Variants in JAZF1 observed in about 807,000 individuals in gnomAD.
JAZF1 encodes JAZF zinc finger 1.
In JAZF1, 8 loss-of-function variants were observed where a neutral mutation model predicts 26.4. The observed-to-expected ratio is 0.30, with a 90% CI of 0.18 to 0.55. The LOEUF (loss-of-function observed/expected upper bound fraction) is 0.55, where lower values mean the gene tolerates loss of function less well. Ranked by LOEUF, JAZF1 falls within the 20% of genes least tolerant of loss-of-function variation. The pLI is 0.94. For missense variants in JAZF1, 199 were observed against 322.0 expected, an observed-to-expected ratio of 0.62 and a Z score of 2.92; for synonymous variants, 126 against 122.3, an observed-to-expected ratio of 1.03 and a Z score of -0.20.
At chr7:27,900,424 T>C (rs1229131571) in intron 2 of JAZF1, among the ~76,000 whole-genome samples, 2 of 152,260 alleles carry the variant, frequency 1.3e-5, no homozygotes, top group African/African-American at 4.8e-5. Flanking sequence ...GGTAGAATTA[T>C]TTATAACTAT....
At chr7:28,029,772 C>G (rs941034152) in intron 1 of JAZF1, among the ~76,000 whole-genome samples, 2 of 152,122 alleles carry the variant, frequency 1.3e-5, no homozygotes, top group African/African-American at 4.8e-5. Context: ...TGATCAGAGC[C>G]AAGTTTGCTG....
chr7:28,156,806 T>C (rs1346053615), intron 1 of JAZF1, among the ~76,000 whole-genome samples: 1 of 152,138 alleles, frequency 6.6e-6, no homozygotes, highest in African/African-American at 2.4e-5. Flanking sequence ...CACCAAGAAA[T>C]TTAAATTCAG....
chr7:28,068,901 C>G (rs1783927451), intron 1 of JAZF1, among the ~76,000 whole-genome samples: 1 of 152,200 alleles, frequency 6.6e-6, no homozygotes, highest in African/African-American at 2.4e-5. Context: ...CTGAAAGACT[C>G]ATCCCTGTGT....
intron 2 of JAZF1, among the ~76,000 whole-genome samples, chr7:27,942,079 G>T (rs138534932): frequency 6.2e-4 from 95 of 152,346 alleles, no homozygotes; most frequent in East Asian, 4.8e-3. Context: ...GGAATGGAAG[G>T]TAACAAATGT....
chr7:27,976,793 T>A (rs897956672), intron 2 of JAZF1, among the ~76,000 whole-genome samples: 5 of 152,168 alleles, frequency 3.3e-5, no homozygotes, highest in South Asian at 2.1e-4. Context: ...CACACTCAGC[T>A]AATTATAGCA....
At chr7:27,967,954 C>G (rs914863598) in intron 2 of JAZF1, among the ~76,000 whole-genome samples, 2 of 152,196 alleles carry the variant, frequency 1.3e-5, no homozygotes, top group African/African-American at 4.8e-5. Flanking sequence ...TACCACAAGC[C>G]AGTGATTCCA....
At chr7:27,901,263 T>A (rs762403565) in intron 2 of JAZF1, among the ~76,000 whole-genome samples, 1 of 152,244 alleles carries the variant, frequency 6.6e-6, no homozygotes, top group Admixed American at 6.5e-5. Context: ...TTTGTAGCAA[T>A]ATTTGTTATT....
intron 1 of JAZF1, among the ~76,000 whole-genome samples, chr7:28,046,727 AT>A (rs1783503533): frequency 6.6e-6 from 1 of 152,220 alleles, no homozygotes; most frequent in Admixed American, 6.5e-5. Context: ...GTTTTCCCTG[AT>A]TGTAACTGAA....
At chr7:28,012,526 G>C (rs951656151) in intron 1 of JAZF1, among the ~76,000 whole-genome samples, 1 of 152,192 alleles carries the variant, frequency 6.6e-6, no homozygotes, top group Non-Finnish European at 1.5e-5. Flanking sequence ...TGATAGGTCA[G>C]CCAATTAAGG....
chr7:27,843,481 G>A (rs1189363980), intron 3 of JAZF1: 3 of 152,262 alleles, frequency 2.0e-5, no homozygotes, highest in Admixed American at 1.3e-4. Context: ...GGCAGTGTAA[G>A]CAATGCCATC....
Position 27,945,264 on chromosome 7 carries a change from C to T in JAZF1, c.188+46645G>A, listed in dbSNP as rs182309825. Among the ~76,000 whole-genome samples the T allele has an allele frequency of 2.6e-4, 39 of 152,172 alleles. 2 individuals carry two copies. The highest frequency in any genetic ancestry group is 1.2e-3 in the Admixed American group (18 of 15,286). The stretch of plus-strand genomic sequence containing the variant: ...ATTGAGTGTGGGTGTTGGCTTTATG[C>T]GGCATTATGACAGCTAGCCTGTAAG... On this transcript the variant is annotated intron_variant, in intron 2 of 4. Transcript: ENST00000283928.
At chr7:28,125,789 G>T (rs879533374) in intron 1 of JAZF1, among the ~76,000 whole-genome samples, 1 of 152,162 alleles carries the variant, frequency 6.6e-6, no homozygotes, top group African/African-American at 2.4e-5. Context: ...AAGCATGACA[G>T]ATGACTAAAA....
chr7:28,152,857 A>C (rs1182908996), intron 1 of JAZF1, among the ~76,000 whole-genome samples: 1 of 152,224 alleles, frequency 6.6e-6, no homozygotes, highest in Non-Finnish European at 1.5e-5. Context: ...AAGTACAAGA[A>C]AGATACAGAG....
chr7:27,835,282 A>G (rs933038965), intron 4 of JAZF1, among the ~76,000 whole-genome samples: 9 of 152,224 alleles, frequency 5.9e-5, no homozygotes, highest in Non-Finnish European at 8.8e-5. Flanking sequence ...TGAGGTTTTT[A>G]TAACTAATTA....
At chr7:28,068,517 C>T (rs192658823) in intron 1 of JAZF1, among the ~76,000 whole-genome samples, 148 of 152,212 alleles carry the variant, frequency 9.7e-4, no homozygotes, top group African/African-American at 3.4e-3. Flanking sequence ...GATCCCAGTG[C>T]CCAATTGCTG....
intron 3 of JAZF1, among the ~76,000 whole-genome samples, chr7:27,853,032 G>A (rs1333117634): frequency 6.6e-6 from 1 of 152,146 alleles, no homozygotes; most frequent in Non-Finnish European, 1.5e-5. Flanking sequence ...TGAACCACAG[G>A]AGTGCCCTGT....
chr7:28,035,313 CAAAAAAAAAAAAAAA>C (rs201602870), intron 1 of JAZF1, among the ~76,000 whole-genome samples: 7 of 27,470 alleles, frequency 2.5e-4, no homozygotes, highest in Admixed American at 6.3e-4. Flanking sequence ...GACTCCATCT[CAAAAAAAAAAAAAAA>C]AAAAAAAAAA....
chr7:28,013,180 G>T (rs1049969655), intron 1 of JAZF1, among the ~76,000 whole-genome samples: 9 of 152,174 alleles, frequency 5.9e-5, no homozygotes, highest in African/African-American at 2.2e-4. Flanking sequence ...TGACTCTCAT[G>T]TGCAGTCAGG....
At chr7:28,179,395 G>A (rs1011647251) in intron 1 of JAZF1, among the ~76,000 whole-genome samples, 1 of 152,228 alleles carries the variant, frequency 6.6e-6, no homozygotes. Flanking sequence ...AGGCGTGAAG[G>A]GAAAGCAGCC....
Sources: gnomAD v4.1 joint callset for allele counts (sites outside exome capture counted in the v4.1 genomes callset) on GRCh38, gnomAD v4.1.1 for gene constraint, MANE v1.5 for transcripts, NCBI Gene and HGNC (gene_info 2026-07-23, HGNC 2026-07-21) for gene names.